Variants in ASB3 observed in about 807,000 individuals in gnomAD.
ASB3 encodes the protein ankyrin repeat and SOCS box protein 3.
Under a neutral mutation model 54.5 loss-of-function variants are expected in ASB3, and 41 were observed. The observed-to-expected ratio is 0.75, with a 90% CI of 0.59 to 0.98. ASB3 has a LOEUF of 0.98. Among genes scored for constraint, ASB3 ranks in the 50% least tolerant of loss-of-function variants. The probability of loss-of-function intolerance (pLI) is 0.00; values close to 1 mark genes in which losing one functional copy is unlikely to be tolerated. For synonymous variants in ASB3, 266 were observed against 221.2 expected (o/e 1.20, Z -1.80); for missense variants, 733 against 620.0 (o/e 1.18, Z -1.94).
At chr2:53,771,320 G>T (rs1316864954) in intron 1 of ASB3, among the ~76,000 whole-genome samples, 2 of 152,072 alleles carry the variant, frequency 1.3e-5, no homozygotes, top group African/African-American at 4.8e-5. Flanking sequence ...TTCCATACCA[G>T]CCTGGCCAAC....
chr2:53,774,270 A>T (rs1044034229), intron 1 of ASB3: 19 of 1,614,060 alleles, frequency 1.2e-5, no homozygotes, highest in Non-Finnish European at 1.5e-5. Context: ...AAGATCCCAC[A>T]ACAAAACCAT....
chr2:53,732,493 TG>T (rs1176847379), intron 3 of ASB3, among the ~76,000 whole-genome samples: 7 of 152,180 alleles, frequency 4.6e-5, no homozygotes, highest in African/African-American at 1.7e-4. Context: ...TTGTCAACAG[TG>T]ATATATGAAG....
chr2:53,680,880 C>A (rs1220051242), intron 9 of ASB3, among the ~76,000 whole-genome samples: 3 of 152,026 alleles, frequency 2.0e-5, no homozygotes, highest in Non-Finnish European at 4.4e-5. Context: ...ATCCCCACCT[C>A]TCACCCCCCA....
chr2:53,767,023 C>A (rs3755115), intron 1 of ASB3, among the ~76,000 whole-genome samples: 5,878 of 152,164 alleles, frequency 0.039, 338 homozygotes, highest in East Asian at 0.28. Flanking sequence ...AGCAGATCTT[C>A]AAAAAATTTT....
At chr2:53,767,176 C>G (rs1472541678) in intron 1 of ASB3, 1 of 152,124 alleles carries the variant, frequency 6.6e-6, no homozygotes, top group Non-Finnish European at 1.5e-5. Context: ...GAACATTTGC[C>G]TGCTCTTTTG....
intron 1 of ASB3, among the ~76,000 whole-genome samples, chr2:53,785,013 C>G (rs1338279405): frequency 6.6e-6 from 1 of 152,210 alleles, no homozygotes; most frequent in Non-Finnish European, 1.5e-5. Context: ...CTACCACTTT[C>G]CTCTTACACT....
At chr2:53,733,273 T>C (rs1558547020) in intron 3 of ASB3, among the ~76,000 whole-genome samples, 1 of 152,232 alleles carries the variant, frequency 6.6e-6, no homozygotes. Context: ...TCTATCCAAT[T>C]GAAACAATGT....
intron 3 of ASB3, among the ~76,000 whole-genome samples, chr2:53,737,449 G>C (rs1030188964): frequency 1.3e-5 from 2 of 152,184 alleles, no homozygotes; most frequent in Admixed American, 6.5e-5. Context: ...CCTCTGTGTG[G>C]AAGTTGCCCA....
chr2:53,712,055 G>T (rs1426004618), intron 7 of ASB3, among the ~76,000 whole-genome samples: 1 of 152,146 alleles, frequency 6.6e-6, no homozygotes, highest in South Asian at 2.1e-4. Flanking sequence ...AAACTGTGGA[G>T]TTCCTTAAAA....
chr2:53,714,471 A>T lies in ASB3; in HGVS notation c.893T>A (p.Ile298Lys). 1 of 1,614,234 alleles carries T rather than the reference A, an allele frequency of 6.2e-7. No individual in the cohort carries two copies. Among genetic ancestry groups the T allele is most frequent in the Non-Finnish European group, 8.5e-7 (1 of 1,180,018 alleles). Residue 298 changes from isoleucine to lysine, a missense_variant, in exon 7 of 10, where the codon ATA (isoleucine) becomes AAA (lysine). Coordinates refer to ENST00000263634, the MANE Select transcript of ASB3 (RefSeq NM_016115.5). Reference sequence around the variant, plus strand: ...TGGGCTGTAGCCATTCCGGAGTAATATTTCTAGGCAATCTTCATGTCCCCC... The same window carrying T: ...TGGGCTGTAGCCATTCCGGAGTAATTTTTCTAGGCAATCTTCATGTCCCCC... Reference protein sequence around the residue: ...VFGGHEDCLEILLRNGYSPDA... With the variant: ...VFGGHEDCLEKLLRNGYSPDA...
At chr2:53,733,730 T>C (rs543456804) in intron 3 of ASB3, among the ~76,000 whole-genome samples, 6 of 152,212 alleles carry the variant, frequency 3.9e-5, no homozygotes, top group East Asian at 1.9e-4. Flanking sequence ...ACCAGCTCGG[T>C]TGGGGAGACC....
intron 1 of ASB3, among the ~76,000 whole-genome samples, chr2:53,766,385 A>C (rs951103161): frequency 6.6e-6 from 1 of 152,198 alleles, no homozygotes; most frequent in African/African-American, 2.4e-5. Flanking sequence ...TCTATGAAGC[A>C]GTTTGGATAT....
At chr2:53,761,398 T>A (rs1351498587) in intron 2 of ASB3, among the ~76,000 whole-genome samples, 9 of 152,072 alleles carry the variant, frequency 5.9e-5, no homozygotes, top group Non-Finnish European at 1.0e-4. Flanking sequence ...ATGGGGGCTC[T>A]GTTTTCACTC....
intron 1 of ASB3, among the ~76,000 whole-genome samples, chr2:53,783,069 C>A (rs948925478): frequency 4.0e-5 from 6 of 151,814 alleles, no homozygotes; most frequent in African/African-American, 1.5e-4. Flanking sequence ...CACTATGCCC[C>A]GCCAAGAATT....
At chr2:53,765,683 C>A in intron 1 of ASB3, 98 bp from the exon 2 acceptor site, 1 of 1,401,414 alleles carries the variant, frequency 7.1e-7, no homozygotes, top group Non-Finnish European at 9.7e-7. Context: ...GTATCTCTCA[C>A]ATGACTGACG....
chr2:53,774,703 T>C, intron 1 of ASB3: 1 of 502,300 alleles, frequency 2.0e-6, no homozygotes. Flanking sequence ...ATTCAAATTT[T>C]AATAACATAA....
chr2:53,696,296 T>C (rs1465112703), intron 8 of ASB3, among the ~76,000 whole-genome samples: 4 of 152,230 alleles, frequency 2.6e-5, no homozygotes, highest in Admixed American at 1.3e-4. Flanking sequence ...TTACTAGTTC[T>C]TAATTCTTTT....
intron 2 of ASB3, among the ~76,000 whole-genome samples, chr2:53,761,169 C>T (rs1434047602): frequency 2.6e-5 from 4 of 152,080 alleles, no homozygotes; most frequent in African/African-American, 4.8e-5. Flanking sequence ...GAAAGGTGAC[C>T]GCACCTACCT....
chr2:53,762,497 T>G (rs1673200028), intron 2 of ASB3, among the ~76,000 whole-genome samples: 1 of 152,226 alleles, frequency 6.6e-6, no homozygotes, highest in Non-Finnish European at 1.5e-5. Flanking sequence ...CTGTGCCCAG[T>G]ATTAGTGCGT....
Sources: allele counts gnomAD v4.1 joint callset (sites outside exome capture counted in the v4.1 genomes callset), GRCh38; gene constraint gnomAD v4.1.1; transcripts MANE v1.5; gene names NCBI Gene and HGNC (gene_info 2026-07-23, HGNC 2026-07-21).